The following AP3M2 variants were observed in gnomAD, a reference collection of about 807,000 sequenced individuals.
AP3M2 encodes the protein adaptor related protein complex 3 subunit mu 2.
In AP3M2, 28 loss-of-function variants were observed where a neutral mutation model predicts 41.6. The ratio of observed to expected loss-of-function variants is 0.67; its 90% CI spans 0.50 to 0.92. AP3M2 has a LOEUF of 0.92. Among genes scored for constraint, AP3M2 ranks in the 40% least tolerant of loss-of-function variants. AP3M2 has a pLI of 0.00. For synonymous variants in AP3M2, 193 were observed against 186.4 expected, an observed-to-expected ratio of 1.04 and a Z score of -0.29; for missense variants, 427 against 521.4, an observed-to-expected ratio of 0.82 and a Z score of 1.76.
intron 8 of AP3M2, among the ~76,000 whole-genome samples, chr8:42,168,718 A>G (rs771270889): frequency 6.6e-5 from 10 of 152,204 alleles, no homozygotes; most frequent in Non-Finnish European, 1.3e-4. Flanking sequence ...TTTAGTCTGC[A>G]CATTACTTTG....
chr8:42,165,125 C>T lies in AP3M2; in HGVS notation c.638C>T (p.Thr213Ile). Reference protein sequence around the residue: ...QGVIDACVKLTGMPDLTLSFM... With the variant: ...QGVIDACVKLIGMPDLTLSFM... ...GTGATTGATGCCTGTGTCAAGCTGA[C>T]TGGCATGCCAGACCTTACACTTTCC... The change falls in exon 5 of 9, where the codon ACT becomes ATT. Residue 213 changes from threonine (T) to isoleucine (I), a missense_variant. Physicochemically the swap from Thr to Ile is moderately conservative, Grantham distance 89. Transcript: ENST00000396926. 3 of 1,614,080 alleles carry T rather than the reference C, an allele frequency of 1.9e-6. No individual in the cohort carries two copies. The highest frequency in any genetic ancestry group is 2.5e-6 in the Non-Finnish European group (3 of 1,180,006).
intron 3 of AP3M2, among the ~76,000 whole-genome samples, chr8:42,158,871 G>A (rs1296898491): frequency 6.6e-6 from 1 of 150,690 alleles, no homozygotes; most frequent in Non-Finnish European, 1.5e-5. Flanking sequence ...TCAACTCACT[G>A]CAACCTCCGC....
At chr8:42,158,482 CAG>C (rs1251328415) in intron 3 of AP3M2, among the ~76,000 whole-genome samples, 2 of 152,104 alleles carry the variant, frequency 1.3e-5, no homozygotes, top group East Asian at 1.9e-4. Context: ...CTCCTGGCCT[CAG>C]GGGATCCACC....
At position 42,162,381 on chromosome 8, in the gene AP3M2, T is replaced by C. The variant is rs2065539579; in HGVS notation, c.546T>C (p.Asp182=). The C allele has an allele frequency of 6.2e-7, 1 of 1,612,758 alleles. No homozygotes were observed. Among genetic ancestry groups the C allele is most frequent in the Non-Finnish European group, 8.5e-7 (1 of 1,179,364 alleles). ...VKYTNNEAYF[D]VIEEIDAIID... is the part of the protein sequence containing the mutation. Reference sequence around the variant, plus strand: ...ATACCAACAATGAGGCCTATTTTGATGTGATTGAAGAGATTGATGCAATTA... The same window carrying C: ...ATACCAACAATGAGGCCTATTTTGACGTGATTGAAGAGATTGATGCAATTA... Residue 182 remains aspartate (D), a synonymous_variant, in exon 4 of 9, where the codon GAT becomes GAC. Transcript: ENST00000396926.
At chr8:42,163,741 A>T (rs1158290183) in intron 4 of AP3M2, among the ~76,000 whole-genome samples, 1 of 152,208 alleles carries the variant, frequency 6.6e-6, no homozygotes, top group African/African-American at 2.4e-5. Flanking sequence ...ATTACCTGGG[A>T]TGGGTAAGAG....
At chr8:42,162,184 G>A (rs1276301484) in intron 3 of AP3M2, 97 bp from the exon 4 acceptor site, 3 of 1,218,528 alleles carry the variant, frequency 2.5e-6, no homozygotes, top group East Asian at 5.1e-5. Context: ...CTTCAATTGA[G>A]TGCATGAATA....
intron 4 of AP3M2, among the ~76,000 whole-genome samples, chr8:42,163,305 GA>G (rs1034111648): frequency 6.6e-6 from 1 of 151,932 alleles, no homozygotes; most frequent in East Asian, 1.9e-4. Context: ...TTTAACTAAA[GA>G]AAAAAAATTG....
chr8:42,155,067 A>T, intron 2 of AP3M2, 107 bp downstream of exon 2: 1 of 940,282 alleles, frequency 1.1e-6, no homozygotes, highest in Non-Finnish European at 1.6e-6. Flanking sequence ...AAAAATCAAA[A>T]CTCTGGTATT....
intron 8 of AP3M2, chr8:42,168,310 G>A (rs996239326): frequency 6.9e-6 from 3 of 436,658 alleles, no homozygotes; most frequent in Non-Finnish European, 1.4e-5. Context: ...CACTTTGGGG[G>A]CATTTACCAT....
In AP3M2 at chr8:42,153,086, G is replaced by C. The variant is rs144817752; in HGVS notation, c.-92G>C. ...CTGTCCGCGCCTAGGAGCAGTGGGC[G>C]CTGAGAGCAGCAAGGCCAGGTGAGG... On this transcript the variant is annotated 5_prime_UTR_variant, in exon 1 of 9. Coordinates refer to ENST00000396926, the MANE Select transcript of AP3M2 (RefSeq NM_006803.4). The C allele has an allele frequency of 0.035, 5,353 of 151,980 alleles. 164 individuals are homozygous for C. Among genetic ancestry groups the C allele is most frequent in the Non-Finnish European group, 0.048 (3,231 of 67,990 alleles). The allele number at this position is 151,980 out of a possible 1,614,324, so 9.4% of individuals were successfully genotyped here. A position where few individuals can be genotyped will look rare whatever the true frequency, so the allele number is the denominator to read the frequency against.
At position 42,161,466 on chromosome 8, in the gene AP3M2, G is replaced by A. The variant is rs150999528; in HGVS notation, c.446-815G>A. ...TCTACTAAAAATACAAAAATTAGCCGGATGTGGTGGCACGCGCCTGTAGTC... is the reference window on the plus strand; with the variant it reads ...TCTACTAAAAATACAAAAATTAGCCAGATGTGGTGGCACGCGCCTGTAGTC... On this transcript the variant is annotated intron_variant, in intron 3 of 8. Transcript: ENST00000396926. 3.7e-3 allele frequency among the ~76,000 whole-genome samples: 568 copies of A among 151,878 alleles called. 5 individuals are homozygous for A. Among genetic ancestry groups the A allele is most frequent in the African/African-American group, 0.013 (539 of 41,432 alleles).
chr8:42,157,181 T>G (rs1269114509), intron 2 of AP3M2, among the ~76,000 whole-genome samples: 1 of 152,236 alleles, frequency 6.6e-6, no homozygotes, highest in Admixed American at 6.5e-5. Context: ...GCTTTATAGT[T>G]TACAAAGTAC....
intron 5 of AP3M2, 101 bp downstream of exon 5, chr8:42,165,257 G>C: frequency 2.1e-6 from 3 of 1,442,742 alleles, no homozygotes; most frequent in Non-Finnish European, 2.9e-6. Flanking sequence ...GAAATAATTA[G>C]GACAGCCACG....
In AP3M2 at chr8:42,167,251, C is replaced by G. The variant is rs2129644150; in HGVS notation, c.891C>G (p.Pro297=). The change falls in exon 7 of 9, where the codon CCC becomes CCG. Residue 297 remains proline, a synonymous_variant. Transcript: ENST00000396926. The stretch of plus-strand genomic sequence containing the variant: ...GACGCTTTGAAATAACGGTGGGACC[C>G]AAGCAGACGATGGGGAAGACCATTG... ...SLGRFEITVG[P]KQTMGKTIEG... is the part of the protein sequence containing the mutation. 3.1e-6 allele frequency: 5 copies of G among 1,614,088 alleles called. No homozygotes were observed. In the East Asian group the frequency reaches 8.9e-5, roughly 29 times the overall value.
chr8:42,158,132 T>C lies in AP3M2; in HGVS notation c.445+20T>C, dbSNP rs2150957664. On this transcript the variant is annotated intron_variant, in intron 3 of 8. Transcript: ENST00000396926. ...TCACAGGTACGGCAGAGGGGGAAAC[T>C]GATAGATAGTGGCCATCCTACAGCC... 2 of 1,605,022 alleles carry C rather than the reference T, an allele frequency of 1.2e-6. No individual in the cohort carries two copies. Among genetic ancestry groups the C allele is most frequent in the Middle Eastern group, 1.7e-4 (1 of 6,042 alleles).
intron 1 of AP3M2, chr8:42,153,509 C>T (rs1002146301): frequency 1.3e-5 from 2 of 152,716 alleles, no homozygotes; most frequent in African/African-American, 4.8e-5. Context: ...CTGTCTCTCC[C>T]TCCTGCTGTC....
At position 42,167,685 on chromosome 8, in the gene AP3M2, G is replaced by C; in HGVS notation, c.1031G>C (p.Gly344Ala). Residue 344 changes from glycine (G) to alanine (A), a missense_variant, in exon 8 of 9, where the codon GGA (glycine) becomes GCA (alanine). By Grantham distance (60) the Gly-to-Ala change is moderately conservative (BLOSUM62 0). This residue lies in a region of AP3M2 where 237 missense variants were observed against 284.9 expected (regional missense o/e 0.83). Transcript: ENST00000396926. ...TTGAAGATGCTGTCTTGGGATGTAG[G>C]AAAAATAAATCCACAAAAGCTACCA... ...PVTKMLSWDVGKINPQKLPSL... is the reference protein window; with the variant it reads ...PVTKMLSWDVAKINPQKLPSL... The C allele has an allele frequency of 6.2e-7, 1 of 1,610,870 alleles. No individual in the cohort carries two copies. Among genetic ancestry groups the C allele is most frequent in the South Asian group, 1.1e-5 (1 of 90,304 alleles).
At chr8:42,158,253 T>TG in intron 3 of AP3M2, 141 bp downstream of exon 3, 1 of 750,088 alleles carries the variant, frequency 1.3e-6, no homozygotes, top group Non-Finnish European at 2.0e-6. Context: ...TGTAGTTGTT[T>TG]TTTTTTTTTT....
intron 8 of AP3M2, 116 bp downstream of exon 8, chr8:42,167,926 C>G: frequency 7.9e-7 from 1 of 1,260,724 alleles, no homozygotes; most frequent in Non-Finnish European, 1.1e-6. Context: ...AGTTTCATTA[C>G]CTGATAAACA....
Sources: gnomAD v4.1 joint callset for allele counts (sites outside exome capture counted in the v4.1 genomes callset) on GRCh38, gnomAD v4.1.1 for gene constraint, gnomAD v4.1.1 regional missense constraint, MANE v1.5 for transcripts, NCBI Gene and HGNC (gene_info 2026-07-23, HGNC 2026-07-21) for gene names.